The following ERGIC1 variants were observed in gnomAD, a reference collection of about 807,000 sequenced individuals.
The protein encoded by ERGIC1 is endoplasmic reticulum-golgi intermediate compartment 1.
ERGIC1 carries 19 observed loss-of-function variants against 38.3 expected under a neutral mutation model. The observed-to-expected ratio is 0.50, with a 90% CI of 0.35 to 0.73. The LOEUF (loss-of-function observed/expected upper bound fraction) is 0.73. Among genes scored for constraint, ERGIC1 ranks in the 30% least tolerant of loss-of-function variants. ERGIC1 has a pLI of 0.01. For synonymous variants in ERGIC1, 124 were observed against 157.6 expected (o/e 0.79, Z 1.60); for missense variants, 294 against 389.2 (o/e 0.76, Z 2.06).
intron 3 of ERGIC1, among the ~76,000 whole-genome samples, chr5:172,901,650 C>T (rs1178137801): frequency 6.6e-6 from 1 of 152,194 alleles, no homozygotes; most frequent in East Asian, 1.9e-4. Context: ...GTTGCCCGGG[C>T]TGGAGGGCAG....
intron 1 of ERGIC1, among the ~76,000 whole-genome samples, chr5:172,848,046 T>A (rs1437384730): frequency 2.6e-5 from 4 of 152,230 alleles, no homozygotes; most frequent in Non-Finnish European, 5.9e-5. Context: ...AGAGGAGATG[T>A]TGAAGACATA....
chr5:172,915,019 C>T (rs1763324760), intron 5 of ERGIC1, 181 bp downstream of exon 5: 2 of 980,452 alleles, frequency 2.0e-6, no homozygotes, highest in Non-Finnish European at 3.2e-6. Flanking sequence ...GGTCCAGGCT[C>T]CCTGGGGTTT....
chr5:172,843,876 A>G (rs138938324), intron 1 of ERGIC1, among the ~76,000 whole-genome samples: 6 of 152,196 alleles, frequency 3.9e-5, no homozygotes, highest in African/African-American at 1.4e-4. Context: ...TGGGGTGCTC[A>G]TACTTTCTTT....
At chr5:172,849,592 G>T (rs137876846) in intron 1 of ERGIC1, among the ~76,000 whole-genome samples, 12 of 152,298 alleles carry the variant, frequency 7.9e-5, no homozygotes, top group African/African-American at 2.9e-4. Flanking sequence ...CTGAGGCTTT[G>T]GGGGGTTGAG....
At chr5:172,853,231 C>T (rs1481451325) in intron 1 of ERGIC1, among the ~76,000 whole-genome samples, 2 of 152,156 alleles carry the variant, frequency 1.3e-5, no homozygotes, top group Non-Finnish European at 2.9e-5. Flanking sequence ...GACTGGTGAG[C>T]GGCTCCTAGG....
chr5:172,893,905 A>ATCTATATGTGTGTGTGTGTGTGTGTG, intron 2 of ERGIC1, among the ~76,000 whole-genome samples: 1 of 15,544 alleles, frequency 6.4e-5, no homozygotes, highest in Non-Finnish European at 2.1e-4. Context: ...ATATATATAT[A>ATCTATATGTGTGTGTGTGTGTGTGTG]TGTGTGTGTG....
chr5:172,879,589 A>T (rs891177283), intron 1 of ERGIC1, among the ~76,000 whole-genome samples: 2 of 152,106 alleles, frequency 1.3e-5, no homozygotes, highest in Non-Finnish European at 2.9e-5. Flanking sequence ...TTTCCAAGTG[A>T]GCGCTGCCTT....
At chr5:172,855,647 A>C (rs1761529749) in intron 1 of ERGIC1, among the ~76,000 whole-genome samples, 1 of 152,232 alleles carries the variant, frequency 6.6e-6, no homozygotes, top group Non-Finnish European at 1.5e-5. Context: ...TGTTCAACTC[A>C]AGGCCTTAGT....
chr5:172,868,214 C>T (rs1761919589), intron 1 of ERGIC1, among the ~76,000 whole-genome samples: 1 of 152,184 alleles, frequency 6.6e-6, no homozygotes, highest in Non-Finnish European at 1.5e-5. Context: ...TATTTTAACC[C>T]CATTTTACAG....
intron 3 of ERGIC1, among the ~76,000 whole-genome samples, chr5:172,908,318 GAGA>G (rs1561729642): frequency 2.7e-4 from 2 of 7,334 alleles, no homozygotes; most frequent in Admixed American, 1.7e-3. Flanking sequence ...GGGGGGGGGG[GAGA>G]GAGGGGAGGG....
chr5:172,853,734 G>A (rs1385895224), intron 1 of ERGIC1, among the ~76,000 whole-genome samples: 1 of 152,224 alleles, frequency 6.6e-6, no homozygotes, highest in Non-Finnish European at 1.5e-5. Flanking sequence ...TACAGTTCTG[G>A]GAGTGTGCTC....
intron 1 of ERGIC1, among the ~76,000 whole-genome samples, chr5:172,849,843 C>T (rs1445561356): frequency 2.0e-5 from 3 of 152,178 alleles, no homozygotes; most frequent in African/African-American, 7.2e-5. Context: ...TAGACATTTG[C>T]AGGGGAACAG....
At chr5:172,843,815 C>CAGGACA (rs1468121089) in intron 1 of ERGIC1, among the ~76,000 whole-genome samples, 14 of 152,222 alleles carry the variant, frequency 9.2e-5, no homozygotes, top group Admixed American at 2.0e-4. Flanking sequence ...CTGTGGGGCC[C>CAGGACA]AGGACAAGAC....
chr5:172,859,528 C>T (rs1337369896), intron 1 of ERGIC1, among the ~76,000 whole-genome samples: 1 of 152,230 alleles, frequency 6.6e-6, no homozygotes, highest in Admixed American at 6.5e-5. Flanking sequence ...CCGTCCCAAG[C>T]CTTTGAAGTG....
intron 5 of ERGIC1, among the ~76,000 whole-genome samples, chr5:172,919,552 C>G (rs1281452332): frequency 6.6e-6 from 1 of 152,236 alleles, no homozygotes; most frequent in Non-Finnish European, 1.5e-5. Flanking sequence ...CCTTTGGGGT[C>G]AGACAGACCT....
rs1761737543 is a variant in ERGIC1 at position 172,862,437 on chromosome 5, A to G, written c.21-26262A>G. 4.6e-5 allele frequency among the ~76,000 whole-genome samples: 7 copies of G among 151,910 alleles called. No homozygotes were observed. The South Asian group carries it at 1.5e-3, about 32-fold the overall frequency. ...CACACAAATGGGCATGTGTTTATAG[A>G]AAGGCCCAGTGGTGAGGATGGCAAT... On this transcript the variant is annotated intron_variant, in intron 1 of 9. Coordinates refer to ENST00000393784, the MANE Select transcript of ERGIC1 (RefSeq NM_001031711.3).
chr5:172,951,520 CA>C lies in ERGIC1; in HGVS notation c.*705del, dbSNP rs1487652409. The C allele has an allele frequency of 6.6e-6, 1 of 152,308 alleles. No homozygotes were observed. Among genetic ancestry groups the C allele is most frequent in the Non-Finnish European group, 1.5e-5 (1 of 68,144 alleles). 9.4% of individuals were successfully genotyped at this position (152,308 alleles called of 1,614,324 possible). On this transcript the variant is annotated 3_prime_UTR_variant, in exon 10 of 10. Coordinates refer to ENST00000393784, the MANE Select transcript of ERGIC1 (RefSeq NM_001031711.3). ...TAGAGACTTGAATCTGCCCACCAGT[CA>C]CAAGGCGGGTCACAGATTCCTCTTC... is the stretch of plus-strand genomic sequence containing the variant.
At chr5:172,935,042 A>G in intron 8 of ERGIC1, 146 bp from the exon 9 acceptor site, 1 of 1,156,350 alleles carries the variant, frequency 8.6e-7, no homozygotes, top group Admixed American at 1.8e-5. Context: ...AAGGGATGTG[A>G]GAGAGGGAGT....
At chr5:172,836,651 A>G (rs1761044325) in intron 1 of ERGIC1, among the ~76,000 whole-genome samples, 1 of 152,180 alleles carries the variant, frequency 6.6e-6, no homozygotes. Flanking sequence ...GCATTCATCA[A>G]GTGTCCAGTC....
Sources: allele counts gnomAD v4.1 joint callset (sites outside exome capture counted in the v4.1 genomes callset), GRCh38; gene constraint gnomAD v4.1.1; transcripts MANE v1.5; gene names NCBI Gene and HGNC (gene_info 2026-07-23, HGNC 2026-07-21).